PDE1C: variants seen among roughly 807,000 people sequenced by gnomAD.
PDE1C encodes the protein phosphodiesterase 1C.
In PDE1C, 62 loss-of-function variants were observed where a neutral mutation model predicts 93.1. That is an observed-to-expected ratio of 0.67 (90% CI 0.54 to 0.82). The LOEUF is 0.82. Among genes scored for constraint, PDE1C ranks in the 40% least tolerant of loss-of-function variants. The probability of loss-of-function intolerance (pLI) is 0.00; values close to 1 mark genes in which losing one functional copy is unlikely to be tolerated. For missense variants in PDE1C, 742 were observed against 884.6 expected, an observed-to-expected ratio of 0.84 and a Z score of 2.04; for synonymous variants, 325 against 310.1, an observed-to-expected ratio of 1.05 and a Z score of -0.50.
At chr7:32,143,266 G>T (rs549680049) in intron 3 of PDE1C, among the ~76,000 whole-genome samples, 1 of 151,080 alleles carries the variant, frequency 6.6e-6, no homozygotes, top group Non-Finnish European at 1.5e-5. Context: ...TTGTAAGCAA[G>T]GCAGTAAAAG....
chr7:31,721,485 A>C, the PDE1C span, among the ~76,000 whole-genome samples: 1 of 152,204 alleles, frequency 6.6e-6, no homozygotes, highest in African/African-American at 2.4e-5. Flanking sequence ...TGGCTACTGC[A>C]TTGGGCACCA....
chr7:31,716,089 T>C, the PDE1C span, among the ~76,000 whole-genome samples: 1 of 152,146 alleles, frequency 6.6e-6, no homozygotes. Flanking sequence ...TGTTCTTTGG[T>C]GTCTTTGTGG....
intron 2 of PDE1C, among the ~76,000 whole-genome samples, chr7:31,913,571 A>G (rs1430428787): frequency 6.6e-6 from 1 of 152,166 alleles, no homozygotes; most frequent in African/African-American, 2.4e-5. Flanking sequence ...AAAAACTTAG[A>G]AACAGCAGAC....
chr7:32,354,904 T>C (rs957650138), intron 1 of PDE1C, among the ~76,000 whole-genome samples: 2 of 152,248 alleles, frequency 1.3e-5, no homozygotes, highest in African/African-American at 4.8e-5. Flanking sequence ...TTAAGCTTTT[T>C]CTTTTTACAT....
intron 2 of PDE1C, among the ~76,000 whole-genome samples, chr7:32,175,739 C>T (rs1802943195): frequency 6.6e-6 from 1 of 152,190 alleles, no homozygotes; most frequent in South Asian, 2.1e-4. Flanking sequence ...TTGAAATTGA[C>T]CAAAAACTTT....
At chr7:32,410,798 C>T (rs1785154325) in intron 1 of PDE1C, among the ~76,000 whole-genome samples, 1 of 152,208 alleles carries the variant, frequency 6.6e-6, no homozygotes, top group African/African-American at 2.4e-5. Flanking sequence ...CCAGCTCTCA[C>T]AGGCCCTTGA....
At chr7:32,294,645 A>G (rs1194893737) in intron 1 of PDE1C, among the ~76,000 whole-genome samples, 3 of 152,236 alleles carry the variant, frequency 2.0e-5, no homozygotes, top group Admixed American at 2.0e-4. Flanking sequence ...TATTTCAGGC[A>G]GCCTTCTGGA....
At chr7:31,982,644 T>C (rs2129061489) in intron 2 of PDE1C, among the ~76,000 whole-genome samples, 1 of 152,206 alleles carries the variant, frequency 6.6e-6, no homozygotes, top group Admixed American at 6.5e-5. Flanking sequence ...GAAAGGGGCC[T>C]GTGAATAAAA....
chr7:31,756,465 C>A (rs922509362), intron 17 of PDE1C, among the ~76,000 whole-genome samples: 2 of 152,050 alleles, frequency 1.3e-5, no homozygotes, highest in African/African-American at 4.8e-5. Flanking sequence ...ACTGTCACAT[C>A]CAAGAAAAGT....
intron 15 of PDE1C, 53 bp from the exon 16 acceptor site, chr7:31,809,161 T>A: frequency 1.0e-6 from 1 of 968,732 alleles, no homozygotes; most frequent in Non-Finnish European, 1.7e-6. Context: ...AGGGGGTTGT[T>A]ATAAACATCT....
At chr7:31,794,835 C>A (rs1327178581) in intron 16 of PDE1C, among the ~76,000 whole-genome samples, 1 of 151,918 alleles carries the variant, frequency 6.6e-6, no homozygotes, top group Non-Finnish European at 1.5e-5. Flanking sequence ...TAAAGAAAGT[C>A]CTTCAGATCA....
chr7:31,716,526 A>T, the PDE1C span, among the ~76,000 whole-genome samples: 1 of 152,244 alleles, frequency 6.6e-6, no homozygotes, highest in Non-Finnish European at 1.5e-5. Flanking sequence ...TATGAATTTT[A>T]CTGATAGCTC....
intron 3 of PDE1C, among the ~76,000 whole-genome samples, chr7:31,879,456 T>C (rs1176819536): frequency 6.6e-6 from 1 of 152,186 alleles, no homozygotes; most frequent in African/African-American, 2.4e-5. Context: ...CTCTGTGGCA[T>C]TTGAGTGAAA....
chr7:31,761,335 T>A (rs1461001863), intron 17 of PDE1C, among the ~76,000 whole-genome samples: 1 of 152,224 alleles, frequency 6.6e-6, no homozygotes, highest in Non-Finnish European at 1.5e-5. Flanking sequence ...TATACTGGAT[T>A]ATTGAATACC....
At chr7:32,298,760 T>C in exon 1 of PDE1C, 1 of 1,570,738 alleles carries the variant, frequency 6.4e-7, no homozygotes, top group South Asian at 1.2e-5. Flanking sequence ...GGCAGGGGCC[T>C]CGCAGCGAGA....
chr7:31,983,390 G>A (rs1412972374), intron 2 of PDE1C, among the ~76,000 whole-genome samples: 1 of 152,282 alleles, frequency 6.6e-6, no homozygotes, highest in East Asian at 1.9e-4. Context: ...TACATATCCA[G>A]CCCTCATTTA....
intron 1 of PDE1C, among the ~76,000 whole-genome samples, chr7:32,251,864 G>T (rs947049501): frequency 3.3e-5 from 5 of 152,132 alleles, no homozygotes; most frequent in Admixed American, 6.5e-5. Flanking sequence ...TCAGCCCAGG[G>T]TGTCACCTGC....
At chr7:31,739,685 C>T in the PDE1C span, among the ~76,000 whole-genome samples, 1 of 152,068 alleles carries the variant, frequency 6.6e-6, no homozygotes, top group Admixed American at 6.5e-5. Context: ...GGAGGTCCTC[C>T]TTATGGTCAC....
intron 2 of PDE1C, among the ~76,000 whole-genome samples, chr7:32,018,140 T>C (rs573923113): frequency 1.3e-5 from 2 of 151,320 alleles, no homozygotes; most frequent in African/African-American, 4.8e-5. Flanking sequence ...AGGATGGCAA[T>C]AATCCAAAAA....
Sources: gnomAD v4.1 joint callset for allele counts (sites outside exome capture counted in the v4.1 genomes callset) on GRCh38, gnomAD v4.1.1 for gene constraint, MANE v1.5 for transcripts, NCBI Gene and HGNC (gene_info 2026-07-23, HGNC 2026-07-21) for gene names.